SP4: variants seen among roughly 807,000 people sequenced by gnomAD.
The protein encoded by SP4 is transcription factor Sp4.
Under a neutral mutation model 72.8 loss-of-function variants are expected in SP4, and 19 were observed. The observed-to-expected ratio is 0.26, with a 90% CI of 0.18 to 0.38. The LOEUF is 0.38. SP4 is among the 10% of genes least tolerant of loss of function. The pLI, the probability that SP4 is intolerant of heterozygous loss-of-function variation, is 1.00. For synonymous variants in SP4, 395 were observed against 333.1 expected (o/e 1.19, Z -2.02); for missense variants, 1,008 against 926.3 (o/e 1.09, Z -1.14).
At chr7:21,431,705 A>T (rs1409721030) in intron 3 of SP4, among the ~76,000 whole-genome samples, 1 of 152,164 alleles carries the variant, frequency 6.6e-6, no homozygotes, top group African/African-American at 2.4e-5. Flanking sequence ...GTCTTATTGT[A>T]CCTAATAACT....
chr7:21,439,200 G>C (rs1783150581), intron 3 of SP4, among the ~76,000 whole-genome samples: 1 of 152,100 alleles, frequency 6.6e-6, no homozygotes, highest in Non-Finnish European at 1.5e-5. Flanking sequence ...ACTTTTTCTT[G>C]AGTGGAAATT....
At chr7:21,478,522 T>G (rs1184712907) in intron 4 of SP4, among the ~76,000 whole-genome samples, 2 of 152,186 alleles carry the variant, frequency 1.3e-5, no homozygotes, top group Non-Finnish European at 2.9e-5. Flanking sequence ...TCTAGATCAT[T>G]GCCAGTACTT....
rs1465381218 is a variant in SP4, at chr7:21,428,112, A to G, written c.-140A>G. 1.0e-5 allele frequency: 7 copies of G among 690,432 alleles called. No homozygotes were observed. Among genetic ancestry groups the G allele is most frequent in the Non-Finnish European group, 1.9e-5 (7 of 369,838 alleles). 42.8% of individuals were successfully genotyped at this position (690,432 alleles called of 1,614,324 possible). ...CCCAGCGGCGGCCATTCGCGGAAAA[A>G]GAGGCAGAGCCTGTGCCAGCTACAG... On this transcript the variant is annotated 5_prime_UTR_variant, in exon 1 of 6. Transcript: ENST00000222584.
chr7:21,454,937 C>G (rs921690059), intron 3 of SP4, among the ~76,000 whole-genome samples: 1 of 152,164 alleles, frequency 6.6e-6, no homozygotes, highest in African/African-American at 2.4e-5. Context: ...GAGAGTTGAT[C>G]AGAGCAGGAC....
chr7:21,449,931 C>T (rs184551574), intron 3 of SP4, among the ~76,000 whole-genome samples: 116 of 152,194 alleles, frequency 7.6e-4, no homozygotes, highest in African/African-American at 2.6e-3. Flanking sequence ...GGCAGTGGTT[C>T]GGTTGCTAGG....
chr7:21,464,975 C>T (rs970580934), intron 3 of SP4, among the ~76,000 whole-genome samples: 4 of 152,094 alleles, frequency 2.6e-5, no homozygotes, highest in South Asian at 2.1e-4. Flanking sequence ...TATGGTTCAA[C>T]GTAGAATGAG....
At chr7:21,435,921 G>A (rs1292893959) in intron 3 of SP4, among the ~76,000 whole-genome samples, 2 of 151,440 alleles carry the variant, frequency 1.3e-5, no homozygotes, top group Non-Finnish European at 2.9e-5. Context: ...GTTTGCATTT[G>A]AGATGGAGTC....
chr7:21,455,983 T>C (rs1282088683), intron 3 of SP4, among the ~76,000 whole-genome samples: 3 of 152,086 alleles, frequency 2.0e-5, no homozygotes, highest in Non-Finnish European at 2.9e-5. Flanking sequence ...TTGGTGCATA[T>C]TGGGAAGGGC....
intron 5 of SP4, among the ~76,000 whole-genome samples, chr7:21,508,618 C>T (rs749195048): frequency 1.3e-5 from 2 of 152,086 alleles, no homozygotes; most frequent in Admixed American, 6.5e-5. Context: ...TGAGCCACCG[C>T]GCCCAGCCTA....
chr7:21,502,543 C>G (rs1354295144), intron 5 of SP4, among the ~76,000 whole-genome samples: 1 of 152,082 alleles, frequency 6.6e-6, no homozygotes, highest in Non-Finnish European at 1.5e-5. Context: ...GTATTCCATC[C>G]TAGGGGAAAT....
chr7:21,496,433 T>C (rs1781710039), intron 5 of SP4, among the ~76,000 whole-genome samples: 1 of 152,160 alleles, frequency 6.6e-6, no homozygotes, highest in African/African-American at 2.4e-5. Flanking sequence ...GATAATAGGA[T>C]TTAGAGCCAA....
At chr7:21,499,194 C>T (rs529664495) in intron 5 of SP4, among the ~76,000 whole-genome samples, 1 of 151,528 alleles carries the variant, frequency 6.6e-6, no homozygotes, top group Non-Finnish European at 1.5e-5. Flanking sequence ...ATTCAAATTA[C>T]GTAGGAATTT....
chr7:21,510,657 G>T (rs1320403329), intron 5 of SP4, among the ~76,000 whole-genome samples: 1 of 152,112 alleles, frequency 6.6e-6, no homozygotes, highest in East Asian at 1.9e-4. Flanking sequence ...GAAGAAGAGT[G>T]GACATGAGCC....
intron 3 of SP4, among the ~76,000 whole-genome samples, chr7:21,457,061 A>G (rs1583402462): frequency 6.6e-6 from 1 of 152,214 alleles, no homozygotes; most frequent in African/African-American, 2.4e-5. Flanking sequence ...CCACTGGGAA[A>G]CATATCTGAG....
At chr7:21,487,861 G>A (rs1245876234) in intron 5 of SP4, among the ~76,000 whole-genome samples, 2 of 151,724 alleles carry the variant, frequency 1.3e-5, no homozygotes, top group East Asian at 1.9e-4. Context: ...AGCTAGTGGC[G>A]TTTTGTTTTG....
chr7:21,480,629 T>G (rs73060318), intron 4 of SP4, among the ~76,000 whole-genome samples: 1 of 152,222 alleles, frequency 6.6e-6, no homozygotes, highest in African/African-American at 2.4e-5. Context: ...TTGGTCAGTC[T>G]AGCTAAAAGT....
intron 3 of SP4, among the ~76,000 whole-genome samples, chr7:21,431,263 C>T (rs1286843109): frequency 6.6e-6 from 1 of 152,062 alleles, no homozygotes; most frequent in Non-Finnish European, 1.5e-5. Context: ...ACTTTTAATT[C>T]TGTGGTGTAA....
intron 3 of SP4, among the ~76,000 whole-genome samples, chr7:21,445,880 A>G (rs1783406234): frequency 6.6e-6 from 1 of 152,092 alleles, no homozygotes; most frequent in African/African-American, 2.4e-5. Context: ...TACATTTTGC[A>G]AGAGTTTGAT....
At chr7:21,460,915 C>G (rs1421128259) in intron 3 of SP4, among the ~76,000 whole-genome samples, 2 of 152,094 alleles carry the variant, frequency 1.3e-5, no homozygotes, top group African/African-American at 4.8e-5. Context: ...CATTCACAAT[C>G]CCTTAGCTAG....
Sources: allele counts gnomAD v4.1 joint callset (sites outside exome capture counted in the v4.1 genomes callset), GRCh38; gene constraint gnomAD v4.1.1; transcripts MANE v1.5; gene names NCBI Gene and HGNC (gene_info 2026-07-23, HGNC 2026-07-21).